The following ZFR variants were observed in gnomAD, a reference collection of about 807,000 sequenced individuals.
ZFR encodes zinc finger RNA binding protein.
In ZFR, 19 loss-of-function variants were observed where a neutral mutation model predicts 130.7. That is an observed-to-expected ratio of 0.15 (90% confidence interval 0.10 to 0.21). The LOEUF is 0.21. Ranked by LOEUF, ZFR falls within the 10% of genes least tolerant of loss-of-function variation. ZFR has a pLI of 1.00. For missense variants in ZFR, 872 were observed against 1,321.5 expected, an observed-to-expected ratio of 0.66 and a Z score of 5.27; for synonymous variants, 466 against 456.9, an observed-to-expected ratio of 1.02 and a Z score of -0.25.
intron 17 of ZFR, among the ~76,000 whole-genome samples, chr5:32,367,990 TTC>T (rs1304879793): frequency 6.6e-6 from 1 of 152,158 alleles, no homozygotes; most frequent in African/African-American, 2.4e-5. Flanking sequence ...TTTTTTTTTC[TTC>T]TTTCCCTTAT....
At chr5:32,366,762 T>C (rs1052922250) in intron 17 of ZFR, among the ~76,000 whole-genome samples, 3 of 152,182 alleles carry the variant, frequency 2.0e-5, no homozygotes, top group African/African-American at 7.2e-5. Flanking sequence ...TCTTGGAGGC[T>C]ATAATTATAT....
chr5:32,388,770 T>C (rs760220097), intron 12 of ZFR, 96 bp from the exon 13 acceptor site: 34 of 1,107,244 alleles, frequency 3.1e-5, no homozygotes, highest in Admixed American at 1.1e-4. Context: ...ATCTTTTCAA[T>C]AAGAAAGCCT....
At chr5:32,412,728 A>C (rs1753738388) in intron 5 of ZFR, among the ~76,000 whole-genome samples, 2 of 152,240 alleles carry the variant, frequency 1.3e-5, no homozygotes, top group South Asian at 4.1e-4. Context: ...ACAACTTGTA[A>C]AGCATATTGC....
chr5:32,377,426 C>T lies in ZFR; in HGVS notation c.2835+1689G>A, dbSNP rs552998748. Among the ~76,000 whole-genome samples the T allele has an allele frequency of 2.4e-4, 36 of 151,504 alleles. No homozygotes were observed. In the East Asian group the frequency reaches 6.1e-3, roughly 26 times the overall value. ...TGATCTTCTGACCTTGTGATCCACC[C>T]GCCTCGGCCTCCCAAAGTGCTGGAA... On this transcript the variant is annotated intron_variant, in intron 17 of 19. Transcript: ENST00000265069.
At chr5:32,420,366 G>C (rs1353024862) in intron 2 of ZFR, among the ~76,000 whole-genome samples, 2 of 151,348 alleles carry the variant, frequency 1.3e-5, no homozygotes, top group African/African-American at 4.9e-5. Flanking sequence ...TCAGATCATA[G>C]ATTGTATCAC....
chr5:32,408,001 C>T (rs903692661), intron 5 of ZFR, among the ~76,000 whole-genome samples: 1 of 152,042 alleles, frequency 6.6e-6, no homozygotes, highest in Admixed American at 6.5e-5. Context: ...ATTTAAGATG[C>T]CCTTTAACAG....
At chr5:32,413,887 C>G (rs1196615362) in intron 5 of ZFR, among the ~76,000 whole-genome samples, 2 of 152,112 alleles carry the variant, frequency 1.3e-5, no homozygotes, top group African/African-American at 4.8e-5. Context: ...TATAAAATGT[C>G]TTTCTACCAT....
At chr5:32,444,475 T>C (rs1411113181) in intron 1 of ZFR, 147 bp from the exon 2 acceptor site, 2 of 1,277,878 alleles carry the variant, frequency 1.6e-6, no homozygotes, top group Non-Finnish European at 2.1e-6. Flanking sequence ...CGCCTCCCCC[T>C]CCCGCCTCGC....
chr5:32,422,546 C>T (rs1753979559), intron 2 of ZFR, among the ~76,000 whole-genome samples: 1 of 152,072 alleles, frequency 6.6e-6, no homozygotes, highest in African/African-American at 2.4e-5. Context: ...CCAGTAATCC[C>T]AGCACTTTGG....
At chr5:32,378,558 T>C (rs1423846436) in intron 17 of ZFR, among the ~76,000 whole-genome samples, 5 of 152,140 alleles carry the variant, frequency 3.3e-5, no homozygotes, top group Non-Finnish European at 7.4e-5. Context: ...GTAATGTACA[T>C]AAAGATAGAA....
At chr5:32,430,752 A>C (rs1754191313) in intron 2 of ZFR, among the ~76,000 whole-genome samples, 1 of 152,198 alleles carries the variant, frequency 6.6e-6, no homozygotes, top group South Asian at 2.1e-4. Context: ...GGTAGAATCA[A>C]AGATATTTTA....
chr5:32,405,416 C>T (rs546115303), intron 6 of ZFR, among the ~76,000 whole-genome samples: 2 of 152,182 alleles, frequency 1.3e-5, no homozygotes, highest in Non-Finnish European at 2.9e-5. Flanking sequence ...TTAACCACCC[C>T]CTTAAGGTAC....
Position 32,355,954 on chromosome 5 carries a change from G to C in ZFR, c.3046-15C>G, listed in dbSNP as rs1752296646. On this transcript the variant is annotated splice_polypyrimidine_tract_variant and intron_variant, in intron 19 of 19. Transcript: ENST00000265069. ...CTCAATGCAAACTGCAACAAAGAGA[G>C]TCAGAATTTTGAGTTAATTGAAAAA... 1 of 1,566,572 alleles carries C rather than the reference G, an allele frequency of 6.4e-7. No homozygotes were observed. The highest frequency in any genetic ancestry group is 8.6e-7 in the Non-Finnish European group (1 of 1,161,344).
intron 15 of ZFR, among the ~76,000 whole-genome samples, chr5:32,381,677 A>G (rs542351918): frequency 5.9e-5 from 9 of 152,234 alleles, no homozygotes; most frequent in African/African-American, 1.4e-4. Flanking sequence ...TATAAAAAAC[A>G]TATTTTGAAA....
At chr5:32,375,781 A>G (rs1752791300) in intron 17 of ZFR, among the ~76,000 whole-genome samples, 2 of 152,142 alleles carry the variant, frequency 1.3e-5, no homozygotes, top group African/African-American at 4.8e-5. Context: ...TAATGGGATT[A>G]CAGGCATGAG....
intron 13 of ZFR, among the ~76,000 whole-genome samples, chr5:32,388,133 C>CT (rs2111730542): frequency 6.6e-6 from 1 of 152,246 alleles, no homozygotes; most frequent in East Asian, 1.9e-4. Flanking sequence ...AAAACAAAGA[C>CT]TGAGTGTGGG....
At position 32,378,068 on chromosome 5, in the gene ZFR, T is replaced by C. The variant is rs544689118; in HGVS notation, c.2835+1047A>G. On this transcript the variant is annotated intron_variant, in intron 17 of 19. Coordinates refer to ENST00000265069, the MANE Select transcript of ZFR (RefSeq NM_016107.5). The stretch of plus-strand genomic sequence containing the variant: ...CCCAGAACTATGACAGTGTAAAGAA[T>C]ATAATTAGTCTAATAGTTTTTTTGA... Among the ~76,000 whole-genome samples, 5 of 152,318 alleles carry C rather than the reference T, an allele frequency of 3.3e-5. No individual in the cohort carries two copies. In the East Asian group the frequency reaches 5.8e-4, roughly 18 times the overall value.
At position 32,390,435 on chromosome 5, in the gene ZFR, C is replaced by T. The variant is rs1281176832; in HGVS notation, c.1982G>A (p.Arg661His). Residue 661 changes from arginine (R) to histidine (H), a missense_variant and splice_region_variant, in exon 12 of 20, where the codon CGT becomes CAT. By Grantham distance (29) the Arg-to-His change is conservative (BLOSUM62 0). Coordinates refer to ENST00000265069, the MANE Select transcript of ZFR (RefSeq NM_016107.5). ...CCTCCAGTACATGTCCTCTTCATAACGTCTGAAACATAAAGAATGACATTA... is the reference window on the plus strand; with the variant it reads ...CCTCCAGTACATGTCCTCTTCATAATGTCTGAAACATAAAGAATGACATTA... ...EEERWRMEMR[R>H]YEEDMYWRRM... The T allele has an allele frequency of 4.3e-6, 7 of 1,611,788 alleles. No homozygotes were observed. The highest frequency in any genetic ancestry group is 5.9e-6 in the Non-Finnish European group (7 of 1,178,272).
chr5:32,438,979 T>C (rs547088180), intron 2 of ZFR, among the ~76,000 whole-genome samples: 2 of 152,268 alleles, frequency 1.3e-5, no homozygotes, highest in South Asian at 4.1e-4. Context: ...TCTATATAGT[T>C]CCAAAGTTAT....
Sources: allele counts gnomAD v4.1 joint callset (sites outside exome capture counted in the v4.1 genomes callset), GRCh38; gene constraint gnomAD v4.1.1; transcripts MANE v1.5; gene names NCBI Gene and HGNC (gene_info 2026-07-23, HGNC 2026-07-21).